ZNF804A: variants seen among roughly 807,000 people sequenced by gnomAD.
ZNF804A encodes the protein zinc finger protein 804A.
A neutral mutation model predicts 16.5 loss-of-function variants in ZNF804A; 2 were observed. That is an observed-to-expected ratio of 0.12 (90% confidence interval 0.05 to 0.38). The LOEUF (loss-of-function observed/expected upper bound fraction) is 0.38, where lower values mean the gene tolerates loss of function less well. ZNF804A is among the 10% of genes least tolerant of loss of function. The pLI, the probability that ZNF804A is intolerant of heterozygous loss-of-function variation, is 0.99. For synonymous variants in ZNF804A, 534 were observed against 489.6 expected (o/e 1.09, Z -1.20); for missense variants, 1,473 against 1,390.7 (o/e 1.06, Z -0.94).
At chr2:184,830,110 C>CCACACA (rs151005970) in intron 1 of ZNF804A, among the ~76,000 whole-genome samples, 19 of 141,568 alleles carry the variant, frequency 1.3e-4, no homozygotes, top group South Asian at 7.0e-4. Flanking sequence ...ACACACCCAC[C>CCACACA]CACACACACA....
At chr2:184,750,194 A>C (rs915332525) in intron 1 of ZNF804A, among the ~76,000 whole-genome samples, 2 of 151,338 alleles carry the variant, frequency 1.3e-5, no homozygotes, top group African/African-American at 2.4e-5. Context: ...AATTTCTTTA[A>C]GGATTCTATA....
At chr2:184,734,756 A>C (rs924651090) in intron 1 of ZNF804A, among the ~76,000 whole-genome samples, 1 of 152,128 alleles carries the variant, frequency 6.6e-6, no homozygotes, top group Non-Finnish European at 1.5e-5. Flanking sequence ...TATCTGGCAA[A>C]ATGATGCTGA....
intron 1 of ZNF804A, among the ~76,000 whole-genome samples, chr2:184,604,339 T>A (rs1328018138): frequency 2.6e-5 from 4 of 151,160 alleles, no homozygotes; most frequent in African/African-American, 7.3e-5. Context: ...CCCGGCTAAT[T>A]TTTTTTTGTA....
At chr2:184,837,044 C>T (rs1026687948) in intron 1 of ZNF804A, among the ~76,000 whole-genome samples, 2 of 151,882 alleles carry the variant, frequency 1.3e-5, no homozygotes, top group East Asian at 1.9e-4. Context: ...ACTGCTTCTT[C>T]GCAGATCAGT....
chr2:184,620,337 A>G (rs904586149), intron 1 of ZNF804A, among the ~76,000 whole-genome samples: 1 of 151,840 alleles, frequency 6.6e-6, no homozygotes, highest in African/African-American at 2.4e-5. Context: ...TGCTAAAAAA[A>G]TTGCTAGTTC....
intron 1 of ZNF804A, among the ~76,000 whole-genome samples, chr2:184,663,461 T>A (rs1692210138): frequency 6.7e-6 from 1 of 150,364 alleles, no homozygotes; most frequent in African/African-American, 2.5e-5. Context: ...TGGGGGAGGG[T>A]GCCTCGGTGT....
intron 1 of ZNF804A, among the ~76,000 whole-genome samples, chr2:184,829,941 A>AAC (rs1695235839): frequency 2.7e-5 from 4 of 146,128 alleles, no homozygotes; most frequent in African/African-American, 7.8e-5. Context: ...AAAAAAAAAA[A>AAC]ACCACACACA....
At chr2:184,680,042 C>A (rs1045074170) in intron 1 of ZNF804A, among the ~76,000 whole-genome samples, 7 of 152,214 alleles carry the variant, frequency 4.6e-5, no homozygotes, top group Admixed American at 1.3e-4. Flanking sequence ...CCTCTGAAGC[C>A]CATAAAAGCT....
At chr2:184,722,548 C>T (rs538662013) in intron 1 of ZNF804A, among the ~76,000 whole-genome samples, 1 of 151,946 alleles carries the variant, frequency 6.6e-6, no homozygotes, top group African/African-American at 2.4e-5. Context: ...GAAGAAAAGT[C>T]CAGAGTTACC....
In ZNF804A at chr2:184,747,552, G is replaced by A. The variant is rs983277658; in HGVS notation, c.112-118817G>A. 2.7e-5 allele frequency among the ~76,000 whole-genome samples: 4 copies of A among 150,694 alleles called. No homozygotes were observed. The East Asian group carries it at 7.8e-4, about 29-fold the overall frequency. On this transcript the variant is annotated intron_variant, in intron 1 of 3. Coordinates refer to ENST00000302277, the MANE Select transcript of ZNF804A (RefSeq NM_194250.2). ...AATGTTCTTCTACTTAATATAAGCGGAAATAAAAAGAGAATATATGTTTTA... is the reference window on the plus strand; with the variant it reads ...AATGTTCTTCTACTTAATATAAGCGAAAATAAAAAGAGAATATATGTTTTA...
chr2:184,826,726 A>G (rs1347281213), intron 1 of ZNF804A, among the ~76,000 whole-genome samples: 1 of 152,124 alleles, frequency 6.6e-6, no homozygotes, highest in Non-Finnish European at 1.5e-5. Flanking sequence ...CGTTGAAAAA[A>G]TTCAGAGAAA....
chr2:184,927,309 G>T (rs1685627117), intron 2 of ZNF804A, among the ~76,000 whole-genome samples: 1 of 152,346 alleles, frequency 6.6e-6, no homozygotes, highest in East Asian at 1.9e-4. Flanking sequence ...ACCAGACAAA[G>T]ACTCCTGTTC....
At chr2:184,905,757 T>C (rs1167112932) in intron 2 of ZNF804A, among the ~76,000 whole-genome samples, 3 of 152,172 alleles carry the variant, frequency 2.0e-5, no homozygotes, top group Non-Finnish European at 2.9e-5. Flanking sequence ...ATGGTGAATC[T>C]AGAGAAAATG....
chr2:184,845,081 C>A (rs1360151899), intron 1 of ZNF804A, among the ~76,000 whole-genome samples: 1 of 151,876 alleles, frequency 6.6e-6, no homozygotes, highest in Non-Finnish European at 1.5e-5. Context: ...GCATTCCTGT[C>A]TCTTTGTTTA....
chr2:184,633,263 G>C (rs192921154), intron 1 of ZNF804A, among the ~76,000 whole-genome samples: 1 of 152,148 alleles, frequency 6.6e-6, no homozygotes, highest in Non-Finnish European at 1.5e-5. Context: ...GCAGATACAT[G>C]TATCTATTGC....
chr2:184,815,121 A>G (rs1398670830), intron 1 of ZNF804A, among the ~76,000 whole-genome samples: 1 of 152,046 alleles, frequency 6.6e-6, no homozygotes, highest in South Asian at 2.1e-4. Flanking sequence ...GTGATTACCA[A>G]TTACTACAAT....
At chr2:184,706,562 G>A in intron 1 of ZNF804A, among the ~76,000 whole-genome samples, 2 of 152,134 alleles carry the variant, frequency 1.3e-5, no homozygotes, top group Non-Finnish European at 1.5e-5. Context: ...TCAGATGACT[G>A]AGCCTCTGGC....
chr2:184,914,606 A>ACCAGATTTAAAT (rs1370350120), intron 2 of ZNF804A, among the ~76,000 whole-genome samples: 1 of 152,150 alleles, frequency 6.6e-6, no homozygotes, highest in Non-Finnish European at 1.5e-5. Flanking sequence ...CTAAAGTTAC[A>ACCAGATTTAAAT]CCAGATTTAA....
At chr2:184,764,975 T>A (rs1008830237) in intron 1 of ZNF804A, among the ~76,000 whole-genome samples, 12 of 152,278 alleles carry the variant, frequency 7.9e-5, no homozygotes, top group Admixed American at 2.6e-4. Context: ...ACTATTTTTT[T>A]AAAAAAACTA....
Sources: allele counts gnomAD v4.1 joint callset (sites outside exome capture counted in the v4.1 genomes callset), GRCh38; gene constraint gnomAD v4.1.1; transcripts MANE v1.5; gene names NCBI Gene and HGNC (gene_info 2026-07-23, HGNC 2026-07-21).